Variants in LCP1 observed in about 807,000 individuals in gnomAD.
LCP1 encodes plastin-2.
Under a neutral mutation model 72.0 loss-of-function variants are expected in LCP1, and 23 were observed. The ratio of observed to expected loss-of-function variants is 0.32; its 90% CI spans 0.23 to 0.45. LCP1 has a LOEUF of 0.45. Ranked by LOEUF, LCP1 falls within the 20% of genes least tolerant of loss-of-function variation. LCP1 has a pLI of 1.00. For synonymous variants in LCP1, 245 were observed against 275.4 expected, an observed-to-expected ratio of 0.89 and a Z score of 1.09; for missense variants, 571 against 748.3, an observed-to-expected ratio of 0.76 and a Z score of 2.76.
At chr13:46,171,541 G>A (rs1409512672) in intron 1 of LCP1, among the ~76,000 whole-genome samples, 1 of 152,122 alleles carries the variant, frequency 6.6e-6, no homozygotes, top group African/African-American at 2.4e-5. Context: ...CCCTGCCACT[G>A]GTGGAGAAAA....
chr13:46,128,244 G>A (rs2045611737), intron 15 of LCP1, among the ~76,000 whole-genome samples: 2 of 151,956 alleles, frequency 1.3e-5, no homozygotes. Flanking sequence ...GGAAAAGTTT[G>A]CAGACTACAT....
intron 5 of LCP1, among the ~76,000 whole-genome samples, chr13:46,155,909 G>A (rs773620082): frequency 5.3e-5 from 8 of 152,148 alleles, no homozygotes; most frequent in Non-Finnish European, 1.2e-4. Flanking sequence ...CTTTCATGGT[G>A]AGCCACGCTC....
In LCP1 at chr13:46,148,358, T is replaced by TC; in HGVS notation, c.971dup (p.Leu325ThrfsTer6). ...AACTGGGACCTGGCCTTACCCGCAG[T>TC]CCTGACATGTCAATAACAACAGCAG... is the stretch of plus-strand genomic sequence containing the variant. On this transcript the variant is annotated frameshift_variant, in exon 9 of 16. Coordinates refer to ENST00000323076, the MANE Select transcript of LCP1 (RefSeq NM_002298.5). LOFTEE classifies it high-confidence loss of function. The TC allele has an allele frequency of 6.2e-7, 1 of 1,612,386 alleles. No individual in the cohort carries two copies. The highest frequency in any genetic ancestry group is 8.5e-7 in the Non-Finnish European group (1 of 1,178,848).
chr13:46,177,408 G>A (rs1287119323), intron 1 of LCP1, among the ~76,000 whole-genome samples: 3 of 152,162 alleles, frequency 2.0e-5, no homozygotes, highest in Admixed American at 6.5e-5. Flanking sequence ...TTGGGAGGCC[G>A]AGGCAGGCAG....
chr13:46,147,802 C>A (rs1435436848), intron 9 of LCP1, among the ~76,000 whole-genome samples: 1 of 152,036 alleles, frequency 6.6e-6, no homozygotes, highest in African/African-American at 2.4e-5. Context: ...GTACATGAAA[C>A]CACCAATTTT....
chr13:46,145,849 C>A (rs2045726856), intron 10 of LCP1, among the ~76,000 whole-genome samples: 1 of 66,796 alleles, frequency 1.5e-5, no homozygotes, highest in South Asian at 3.2e-4. Context: ...GCGGAGCTTG[C>A]AGTGAGCCGA....
rs2045599707 is a variant in LCP1 at position 46,126,598 on chromosome 13, A to G, written c.*993T>C. 1 of 231,726 alleles carries G rather than the reference A, an allele frequency of 4.3e-6. No homozygotes were observed. The highest frequency in any genetic ancestry group is 6.1e-5 in the East Asian group (1 of 16,360). The allele number at this position is 231,726 out of a possible 1,614,324, so 14.4% of individuals were successfully genotyped here. A position where few individuals can be genotyped will look rare whatever the true frequency, so the allele number is the denominator to read the frequency against. ...TGGCCTGACAACAATCAGATATGCTAAGCTCTAGAAGCAAAAGCAAGGTAG... is the reference window on the plus strand; with the variant it reads ...TGGCCTGACAACAATCAGATATGCTGAGCTCTAGAAGCAAAAGCAAGGTAG... On this transcript the variant is annotated 3_prime_UTR_variant, in exon 16 of 16. Coordinates refer to ENST00000323076, the MANE Select transcript of LCP1 (RefSeq NM_002298.5).
At chr13:46,152,730 T>C in intron 7 of LCP1, 50 bp downstream of exon 7, 1 of 1,581,864 alleles carries the variant, frequency 6.3e-7, no homozygotes, top group Non-Finnish European at 8.6e-7. Flanking sequence ...CCCCAACGCG[T>C]AAGTTATTAG....
intron 1 of LCP1, among the ~76,000 whole-genome samples, chr13:46,173,280 G>A (rs192912962): frequency 5.7e-4 from 87 of 152,242 alleles, no homozygotes; most frequent in African/African-American, 1.9e-3. Context: ...TAAATTTTCC[G>A]AGCCTCAGTT....
At chr13:46,175,220 C>T (rs2045923387) in intron 1 of LCP1, among the ~76,000 whole-genome samples, 1 of 152,146 alleles carries the variant, frequency 6.6e-6, no homozygotes, top group Non-Finnish European at 1.5e-5. Context: ...ATATTAGGGG[C>T]TCAGTAAGTC....
Position 46,158,625 on chromosome 13 carries a change from A to G in LCP1, c.255T>C (p.Asp85=). The change falls in exon 4 of 16, where the codon GAT becomes GAC. Residue 85 remains aspartate, a synonymous_variant. Coordinates refer to ENST00000323076, the MANE Select transcript of LCP1 (RefSeq NM_002298.5). Reference sequence around the variant, plus strand: ...TTGCTTTTCTAAAGGTCTTGGCAACATCTGTGCTTTTTAGGCCATGGAAAA... The same window carrying G: ...TTGCTTTTCTAAAGGTCTTGGCAACGTCTGTGCTTTTTAGGCCATGGAAAA... ...IKIFHGLKST[D]VAKTFRKAIN... is the part of the protein sequence containing the mutation. The G allele has an allele frequency of 1.2e-6, 2 of 1,614,202 alleles. No homozygotes were observed. The highest frequency in any genetic ancestry group is 1.1e-5 in the South Asian group (1 of 91,076).
At chr13:46,168,047 G>T (rs2045886210) in intron 1 of LCP1, among the ~76,000 whole-genome samples, 1 of 152,134 alleles carries the variant, frequency 6.6e-6, no homozygotes, top group African/African-American at 2.4e-5. Context: ...AGCAGCCCAG[G>T]CAATTAAGAT....
intron 8 of LCP1, among the ~76,000 whole-genome samples, chr13:46,149,919 G>A (rs1316159380): frequency 1.3e-5 from 2 of 152,236 alleles, no homozygotes; most frequent in African/African-American, 4.8e-5. Context: ...CTAGAAGAAT[G>A]TTAATAGCCC....
chr13:46,164,436 T>C (rs978040980), intron 1 of LCP1, among the ~76,000 whole-genome samples: 4 of 152,158 alleles, frequency 2.6e-5, no homozygotes, highest in African/African-American at 7.2e-5. Context: ...CCACAGCAGG[T>C]AGGTCAAGAT....
intron 15 of LCP1, 143 bp from the exon 16 acceptor site, chr13:46,127,866 A>C: frequency 3.3e-5 from 32 of 975,434 alleles, no homozygotes; most frequent in Non-Finnish European, 4.4e-5. Flanking sequence ...CAGCATCCTC[A>C]CACTTTTGTG....
rs138720844 is a variant in LCP1, at chr13:46,138,367, G to A, written c.1502+3925C>T. On this transcript the variant is annotated intron_variant, in intron 13 of 15. Coordinates refer to ENST00000323076, the MANE Select transcript of LCP1 (RefSeq NM_002298.5). ...GCATGCAGGGAAAAAAATCCCTTCCGGTGCCATTTATATAATTATCAGTCA... is the reference window on the plus strand; with the variant it reads ...GCATGCAGGGAAAAAAATCCCTTCCAGTGCCATTTATATAATTATCAGTCA... Among the ~76,000 whole-genome samples the A allele has an allele frequency of 1.0e-3, 156 of 152,060 alleles. 1 individual carries two copies. Among genetic ancestry groups the A allele is most frequent in the Admixed American group, 6.2e-3 (95 of 15,262 alleles).
At position 46,161,188 on chromosome 13, in the gene LCP1, TAAC is replaced by T. The variant is rs144623454; in HGVS notation, c.-24-1505_-24-1503del. On this transcript the variant is annotated intron_variant, in intron 1 of 15. Transcript: ENST00000323076. ...TTACATGTAAGCAAACAAATAAAAA[TAAC>T]AACTCTGAGAGTCTTTGGTTGAAAA... 5.3e-3 allele frequency among the ~76,000 whole-genome samples: 803 copies of T among 152,118 alleles called. 3 individuals are homozygous for T. The highest frequency in any genetic ancestry group is 0.019 in the African/African-American group (774 of 41,480).
At chr13:46,130,350 G>A (rs530570153) in intron 15 of LCP1, among the ~76,000 whole-genome samples, 1 of 152,336 alleles carries the variant, frequency 6.6e-6, no homozygotes, top group East Asian at 1.9e-4. Flanking sequence ...CAACAGGGCA[G>A]ATCTGGCTCA....
intron 2 of LCP1, 56 bp downstream of exon 2, chr13:46,159,543 T>G: frequency 7.2e-7 from 1 of 1,395,688 alleles, no homozygotes; most frequent in Non-Finnish European, 1.0e-6. Context: ...GAATCTACCC[T>G]GAAGCTACTC....
Sources: gnomAD v4.1 joint callset for allele counts (sites outside exome capture counted in the v4.1 genomes callset) on GRCh38, gnomAD v4.1.1 for gene constraint, MANE v1.5 for transcripts, NCBI Gene and HGNC (gene_info 2026-07-23, HGNC 2026-07-21) for gene names.